The following ZNF804B variants were observed in gnomAD, a reference collection of about 807,000 sequenced individuals.
ZNF804B encodes zinc finger protein 804B.
In ZNF804B, 80 loss-of-function variants were observed where a neutral mutation model predicts 101.4. That is an observed-to-expected ratio of 0.79 (90% confidence interval 0.66 to 0.95). The LOEUF (loss-of-function observed/expected upper bound fraction) is 0.95. Ranked by LOEUF, ZNF804B falls within the 40% of genes least tolerant of loss-of-function variation. ZNF804B has a pLI of 0.00. For synonymous variants in ZNF804B, 622 were observed against 558.8 expected, an observed-to-expected ratio of 1.11 and a Z score of -1.59; for missense variants, 1,673 against 1,561.9, an observed-to-expected ratio of 1.07 and a Z score of -1.20.
At chr7:89,324,216 TC>T (rs1186646521) in intron 2 of ZNF804B, among the ~76,000 whole-genome samples, 5 of 151,682 alleles carry the variant, frequency 3.3e-5, no homozygotes, top group Non-Finnish European at 1.5e-5. Flanking sequence ...GTCCATTTTT[TC>T]CTCCATGCAG....
At chr7:88,767,403 T>A (rs1790001168) in intron 1 of ZNF804B, among the ~76,000 whole-genome samples, 1 of 152,220 alleles carries the variant, frequency 6.6e-6, no homozygotes, top group African/African-American at 2.4e-5. Context: ...GCTTCCCCTC[T>A]TTCCACTCAC....
intron 1 of ZNF804B, among the ~76,000 whole-genome samples, chr7:89,072,422 G>C (rs1324152075): frequency 3.9e-5 from 6 of 152,116 alleles, no homozygotes; most frequent in African/African-American, 1.4e-4. Context: ...TTAAATTAAA[G>C]AATGAGCTCT....
At chr7:88,774,449 A>AT (rs2115641236) in intron 1 of ZNF804B, among the ~76,000 whole-genome samples, 1 of 152,138 alleles carries the variant, frequency 6.6e-6, no homozygotes, top group Non-Finnish European at 1.5e-5. Context: ...CCTCTTTTTC[A>AT]TTGGGTATCT....
At chr7:89,217,877 C>T (rs970614511) in intron 1 of ZNF804B, among the ~76,000 whole-genome samples, 5 of 152,014 alleles carry the variant, frequency 3.3e-5, no homozygotes, top group African/African-American at 1.2e-4. Context: ...CAGTGATGTG[C>T]TTGGTAATAG....
rs143793234 is a variant in ZNF804B, at chr7:88,963,444, T to C, written c.108+203360T>C. Among the ~76,000 whole-genome samples, 27 of 151,440 alleles carry C rather than the reference T, an allele frequency of 1.8e-4. 1 individual carries two copies. The highest frequency in any genetic ancestry group is 5.8e-4 in the African/African-American group (24 of 41,458). ...AGGCAGTACTTTCAACAGATGGTGCTAGGAAACATGGCTATCCAAATGCAA... is the reference window on the plus strand; with the variant it reads ...AGGCAGTACTTTCAACAGATGGTGCCAGGAAACATGGCTATCCAAATGCAA... On this transcript the variant is annotated intron_variant, in intron 1 of 3. Transcript: ENST00000333190.
intron 1 of ZNF804B, among the ~76,000 whole-genome samples, chr7:88,793,681 T>C (rs1488115691): frequency 6.6e-6 from 1 of 152,158 alleles, no homozygotes; most frequent in African/African-American, 2.4e-5. Context: ...GCTACTATAA[T>C]GATATATTAT....
intron 1 of ZNF804B, among the ~76,000 whole-genome samples, chr7:89,122,467 A>G (rs1790421676): frequency 6.6e-6 from 1 of 152,208 alleles, no homozygotes; most frequent in Admixed American, 6.5e-5. Context: ...AGAAGATGAA[A>G]AATCAAACTG....
intron 1 of ZNF804B, among the ~76,000 whole-genome samples, chr7:88,882,946 T>G (rs894675896): frequency 5.9e-5 from 9 of 151,988 alleles, no homozygotes; most frequent in African/African-American, 2.2e-4. Context: ...ATCTCAAACC[T>G]CAGTGTCATG....
At chr7:88,868,796 A>C (rs1791774713) in intron 1 of ZNF804B, among the ~76,000 whole-genome samples, 1 of 152,240 alleles carries the variant, frequency 6.6e-6, no homozygotes, top group African/African-American at 2.4e-5. Flanking sequence ...GGTTTCAGCC[A>C]GCAAAGTAGC....
At chr7:89,207,988 G>T (rs939659671) in intron 1 of ZNF804B, among the ~76,000 whole-genome samples, 1 of 152,000 alleles carries the variant, frequency 6.6e-6, no homozygotes, top group African/African-American at 2.4e-5. Context: ...CTGTATTAGA[G>T]AAACTGATAG....
intron 1 of ZNF804B, among the ~76,000 whole-genome samples, chr7:88,887,732 C>G (rs1792150004): frequency 6.7e-6 from 1 of 150,006 alleles, no homozygotes; most frequent in Middle Eastern, 3.4e-3. Flanking sequence ...TTAAAATAAG[C>G]TCTGCATGAG....
intron 2 of ZNF804B, among the ~76,000 whole-genome samples, chr7:89,245,801 T>C (rs1789436109): frequency 6.6e-6 from 1 of 152,096 alleles, no homozygotes. Flanking sequence ...AAAAAGCCCC[T>C]GTGACAGCAT....
intron 2 of ZNF804B, among the ~76,000 whole-genome samples, chr7:89,260,351 T>C (rs909332510): frequency 6.6e-6 from 1 of 152,128 alleles, no homozygotes. Flanking sequence ...GTGGCACTTT[T>C]TTTTTTGAAT....
chr7:89,062,779 A>T (rs1249033910), intron 1 of ZNF804B, among the ~76,000 whole-genome samples: 1 of 152,124 alleles, frequency 6.6e-6, no homozygotes, highest in Non-Finnish European at 1.5e-5. Flanking sequence ...GAGTATAATC[A>T]ATTCAAAGTG....
chr7:89,333,221 A>C, intron 3 of ZNF804B, 142 bp from the exon 4 acceptor site: 1 of 814,720 alleles, frequency 1.2e-6, no homozygotes, highest in Non-Finnish European at 1.8e-6. Flanking sequence ...AAGCTATATA[A>C]GGACAACAAA....
chr7:89,110,772 G>A (rs1247626530), intron 1 of ZNF804B, among the ~76,000 whole-genome samples: 1 of 152,088 alleles, frequency 6.6e-6, no homozygotes, highest in East Asian at 1.9e-4. Context: ...TTTATGGAAT[G>A]TAGAGAAACA....
chr7:88,785,466 A>G (rs1379542380), intron 1 of ZNF804B, among the ~76,000 whole-genome samples: 1 of 152,106 alleles, frequency 6.6e-6, no homozygotes, highest in Non-Finnish European at 1.5e-5. Context: ...CTCGTTACCT[A>G]GTTCTCATCC....
chr7:89,172,897 T>A (rs1791259132), intron 1 of ZNF804B, among the ~76,000 whole-genome samples: 1 of 152,142 alleles, frequency 6.6e-6, no homozygotes, highest in African/African-American at 2.4e-5. Context: ...AGGAATAAAC[T>A]TTAATAAGTA....
intron 1 of ZNF804B, among the ~76,000 whole-genome samples, chr7:88,764,010 C>G (rs1026966848): frequency 1.3e-5 from 2 of 152,092 alleles, no homozygotes; most frequent in Admixed American, 6.5e-5. Flanking sequence ...AGAACATAGT[C>G]TATAGATTAA....
Sources: gnomAD v4.1 joint callset for allele counts (sites outside exome capture counted in the v4.1 genomes callset) on GRCh38, gnomAD v4.1.1 for gene constraint, MANE v1.5 for transcripts, NCBI Gene and HGNC (gene_info 2026-07-23, HGNC 2026-07-21) for gene names.